MLH3: variants seen among roughly 807,000 people sequenced by gnomAD.
MLH3 encodes the protein mutL homolog 3, also known as DNA mismatch repair protein Mlh3.
Under a neutral mutation model 122.2 loss-of-function variants are expected in MLH3, and 82 were observed. The ratio of observed to expected loss-of-function variants is 0.67; its 90% CI spans 0.56 to 0.81. MLH3 has a LOEUF of 0.81. Among genes scored for constraint, MLH3 ranks in the 30% least tolerant of loss-of-function variants. The pLI is 0.00. For missense variants in MLH3, 1,539 were observed against 1,714.5 expected (o/e 0.90, Z 1.81); for synonymous variants, 524 against 599.5 (o/e 0.87, Z 1.84).
At chr14:75,018,071 G>A (rs1395011973) in intron 12 of MLH3, among the ~76,000 whole-genome samples, 3 of 152,120 alleles carry the variant, frequency 2.0e-5, no homozygotes, top group African/African-American at 7.2e-5. Context: ...CTTGAACCCG[G>A]GAGGCAGAGG....
intron 3 of MLH3, among the ~76,000 whole-genome samples, chr14:75,042,083 C>T (rs1040673166): frequency 6.6e-6 from 1 of 152,190 alleles, no homozygotes; most frequent in African/African-American, 2.4e-5. Context: ...CATAAAACTA[C>T]AGCAACTTGG....
At chr14:75,021,793 A>G (rs1890294801) in intron 11 of MLH3, among the ~76,000 whole-genome samples, 1 of 152,246 alleles carries the variant, frequency 6.6e-6, no homozygotes, top group Non-Finnish European at 1.5e-5. Flanking sequence ...AACTTAAAGC[A>G]AAACTACCAT....
Position 75,036,718 on chromosome 14 carries a change from G to A in MLH3, c.3643+1622C>T, listed in dbSNP as rs759067670. 1.9e-4 allele frequency: 88 copies of A among 455,912 alleles called. 1 individual carries two copies. Among genetic ancestry groups the A allele is most frequent in the South Asian group, 1.3e-3 (87 of 64,560 alleles). 28.2% of individuals were successfully genotyped at this position (455,912 alleles called of 1,614,324 possible). On this transcript the variant is annotated intron_variant, in intron 6 of 12. Coordinates refer to ENST00000355774, the MANE Select transcript of MLH3 (RefSeq NM_001040108.2). ...ATCCTCTCTGCTCTGCCTGCAACAC[G>A]GGTCCTGCAACATCATCAACTCAGC...
At chr14:75,041,904 G>A (rs950500469) in intron 3 of MLH3, among the ~76,000 whole-genome samples, 16 of 152,186 alleles carry the variant, frequency 1.1e-4, no homozygotes, top group African/African-American at 3.1e-4. Flanking sequence ...TGTATCTTCT[G>A]GCATTACAGC....
rs766230638 is a variant in MLH3, at chr14:75,046,367, C to T, written c.3280+9G>A. 1.7e-5 allele frequency: 27 copies of T among 1,613,456 alleles called. No homozygotes were observed. In the East Asian group the frequency reaches 1.8e-4, roughly 11 times the overall value. The stretch of plus-strand genomic sequence containing the variant: ...AAGCATCTCATGCACATGAATACTA[C>T]GTACTTACCATTCTCAAGTACAACA... On this transcript the variant is annotated intron_variant, in intron 2 of 12. Coordinates refer to ENST00000355774, the MANE Select transcript of MLH3 (RefSeq NM_001040108.2).
rs1025736417 is a variant in MLH3, at chr14:75,018,921, G to C, written c.4150C>G (p.Leu1384Val). 3 of 1,614,166 alleles carry C rather than the reference G, an allele frequency of 1.9e-6. No homozygotes were observed. Among genetic ancestry groups the C allele is most frequent in the Non-Finnish European group, 2.5e-6 (3 of 1,180,008 alleles). ...LQESCRLIEA[L>V]SSCQLPFQCA... is the part of the protein sequence containing the mutation. ...TGGAATGGCAGCTGGCATGAGGACA[G>C]AGCTTCAATAAGGCGGCAACTTTCC... Residue 1384 changes from leucine to valine, a missense_variant, in exon 12 of 13, where the codon CTG (leucine) becomes GTG (valine). Leu to Val is a conservative substitution (Grantham distance 32). Transcript: ENST00000355774.
intron 1 of MLH3, 62 bp from the exon 2 acceptor site, chr14:75,049,780 A>C: frequency 1.0e-6 from 1 of 967,376 alleles, no homozygotes; most frequent in Non-Finnish European, 1.6e-6. Flanking sequence ...CAGCATTATG[A>C]AGAAATAGCA....
At chr14:75,036,328 C>T (rs1891401105) in intron 6 of MLH3, among the ~76,000 whole-genome samples, 1 of 151,590 alleles carries the variant, frequency 6.6e-6, no homozygotes, top group African/African-American at 2.4e-5. Flanking sequence ...CTTGTAATAT[C>T]CAACCACATT....
At chr14:75,022,396 T>TA (rs1368843365) in intron 11 of MLH3, among the ~76,000 whole-genome samples, 1 of 152,246 alleles carries the variant, frequency 6.6e-6, no homozygotes, top group African/African-American at 2.4e-5. Flanking sequence ...TGTGACCTTC[T>TA]AGGTTTCTGT....
intron 6 of MLH3, among the ~76,000 whole-genome samples, chr14:75,035,063 A>C (rs1236280185): frequency 4.6e-5 from 2 of 43,642 alleles, no homozygotes; most frequent in Non-Finnish European, 9.7e-5. Flanking sequence ...ACTCCATCTC[A>C]AAAAAAAAAA....
Position 75,017,217 on chromosome 14 carries a change from A to C in MLH3, c.4243-16T>G. 6.2e-7 allele frequency: 1 copy of C among 1,612,786 alleles called. No homozygotes were observed. ...TGGGTTTAATCTATGGGAAGAAAGA[A>C]TAACTTCAATTAGCAATATGAAAAG... On this transcript the variant is annotated splice_polypyrimidine_tract_variant and intron_variant, in intron 12 of 12. Transcript: ENST00000355774.
chr14:75,018,423 C>A (rs562866894), intron 12 of MLH3, among the ~76,000 whole-genome samples: 1 of 152,294 alleles, frequency 6.6e-6, no homozygotes, highest in South Asian at 2.1e-4. Flanking sequence ...TCACAGATCA[C>A]CGTTTCCAGC....
rs538249890 is a variant in MLH3 at position 75,021,696 on chromosome 14, CA to C, written c.4090+1117del. Among the ~76,000 whole-genome samples the C allele has an allele frequency of 2.3e-3, 349 of 152,256 alleles. 1 individual carries two copies. Among genetic ancestry groups the C allele is most frequent in the African/African-American group, 7.8e-3 (323 of 41,556 alleles). On this transcript the variant is annotated intron_variant, in intron 11 of 12. Coordinates refer to ENST00000355774, the MANE Select transcript of MLH3 (RefSeq NM_001040108.2). ...AAAATAACAGATGCTGGTGAGGCTG[CA>C]AAGAAAACAGAACACTTATACACTG...
intron 11 of MLH3, among the ~76,000 whole-genome samples, chr14:75,022,208 G>GGTACTAT (rs576508753): frequency 5.3e-4 from 80 of 152,180 alleles, no homozygotes; most frequent in African/African-American, 1.8e-3. Context: ...CTACCTATTG[G>GGTACTAT]GTACTATGCT....
chr14:75,038,226 C>T, intron 6 of MLH3, 114 bp downstream of exon 6: 1 of 794,042 alleles, frequency 1.3e-6, no homozygotes, highest in Non-Finnish European at 2.2e-6. Flanking sequence ...TTTAGATTGG[C>T]TTTCCCTAAT....
At chr14:75,034,207 AG>A (rs1169649072) in intron 6 of MLH3, among the ~76,000 whole-genome samples, 109 of 138,656 alleles carry the variant, frequency 7.9e-4, no homozygotes, top group Admixed American at 3.3e-3. Context: ...AAAAAAAAAA[AG>A]TCAAAGTGGC....
At chr14:75,041,562 T>G in intron 4 of MLH3, 53 bp downstream of exon 4, 11 of 1,379,858 alleles carry the variant, frequency 8.0e-6, no homozygotes, top group Non-Finnish European at 1.0e-5. Context: ...ATTTAAAAAA[T>G]AAGAAGAAGA....
rs1889819931 is a variant in MLH3, at chr14:75,015,011, A to G, written c.*2071T>C. 1 of 178,954 alleles carries G rather than the reference A, an allele frequency of 5.6e-6. No individual in the cohort carries two copies. Among genetic ancestry groups the G allele is most frequent in the African/African-American group, 2.4e-5 (1 of 42,326 alleles). The allele number at this position is 178,954 out of a possible 1,614,324, so 11.1% of individuals were successfully genotyped here. ...TTCCCACTTTGTAAAATGGTGATAA[A>G]GCTACCACCTTACCTCATGGACTGT... is the stretch of plus-strand genomic sequence containing the variant. On this transcript the variant is annotated 3_prime_UTR_variant, in exon 13 of 13. Transcript: ENST00000355774.
In MLH3 at chr14:75,047,108, G is replaced by C. The variant is rs575583330; in HGVS notation, c.2548C>G (p.Pro850Ala). The C allele has an allele frequency of 1.4e-5, 22 of 1,614,140 alleles. No homozygotes were observed. Among genetic ancestry groups the C allele is most frequent in the African/African-American group, 1.1e-4 (8 of 75,050 alleles). ...AGAGATAACTCCTTCAGGGTCATAG[G>C]ACTTTCTCTCAAACTAGGCATCTGT... ...EQQMPSLRES[P>A]MTLKELSLFN... Residue 850 changes from proline to alanine, a missense_variant, in exon 2 of 13, where the codon CCT (proline) becomes GCT (alanine). Transcript: ENST00000355774.
Sources: gnomAD v4.1 joint callset for allele counts (sites outside exome capture counted in the v4.1 genomes callset) on GRCh38, gnomAD v4.1.1 for gene constraint, MANE v1.5 for transcripts, NCBI Gene and HGNC (gene_info 2026-07-23, HGNC 2026-07-21) for gene names.